KPNB1: variants seen among roughly 807,000 people sequenced by gnomAD.
KPNB1 encodes karyopherin subunit beta 1, also known as importin subunit beta-1.
Under a neutral mutation model 113.0 loss-of-function variants are expected in KPNB1, and 7 were observed. The ratio of observed to expected loss-of-function variants is 0.06; its 90% CI spans 0.04 to 0.12. The LOEUF (loss-of-function observed/expected upper bound fraction) is 0.12. KPNB1 is among the 10% of genes least tolerant of loss of function. The pLI is 1.00. For missense variants in KPNB1, 400 were observed against 1,054.8 expected, an observed-to-expected ratio of 0.38 and a Z score of 8.60; for synonymous variants, 363 against 378.6, an observed-to-expected ratio of 0.96 and a Z score of 0.48.
chr17:47,664,129 T>C (rs766699915), intron 7 of KPNB1, 30 bp from the exon 8 acceptor site: 8 of 1,448,362 alleles, frequency 5.5e-6, no homozygotes, highest in African/African-American at 2.8e-5. Flanking sequence ...TCAGTACTTA[T>C]TTGGGGCCTG....
chr17:47,664,112 AC>A (rs1194902201), intron 7 of KPNB1, 46 bp from the exon 8 acceptor site: 4 of 1,252,800 alleles, frequency 3.2e-6, no homozygotes, highest in Non-Finnish European at 4.7e-6. Context: ...GCAGGGACTC[AC>A]TTGAATCAGT....
intron 6 of KPNB1, among the ~76,000 whole-genome samples, 162 bp downstream of exon 6, chr17:47,661,340 C>T (rs771235312): frequency 2.6e-5 from 4 of 151,904 alleles, no homozygotes; most frequent in Non-Finnish European, 5.9e-5. Flanking sequence ...TGGCTCACAC[C>T]TGTAATCCCA....
At chr17:47,650,810 A>T (rs1439239980) in intron 2 of KPNB1, among the ~76,000 whole-genome samples, 1 of 152,260 alleles carries the variant, frequency 6.6e-6, no homozygotes, top group East Asian at 1.9e-4. Context: ...CCTAGGGGCC[A>T]TGTGGAAGCT....
At position 47,664,380 on chromosome 17, in the gene KPNB1, C is replaced by T; in HGVS notation, c.897+111C>T. 5.6e-6 allele frequency: 4 copies of T among 710,116 alleles called. No homozygotes were observed. In the Admixed American group the frequency reaches 7.2e-5, roughly 13 times the overall value. The allele number at this position is 710,116 out of a possible 1,614,324, so 44.0% of individuals were successfully genotyped here. A position where few individuals can be genotyped will look rare whatever the true frequency, so the allele number is the denominator to read the frequency against. The stretch of plus-strand genomic sequence containing the variant: ...TCTGTCTGGGTTTAGAGGGTATCTC[C>T]ATTGGCAGAGATTTTGATTTTTCTG... On this transcript the variant is annotated intron_variant, in intron 8 of 21. Coordinates refer to ENST00000290158, the MANE Select transcript of KPNB1 (RefSeq NM_002265.6).
intron 10 of KPNB1, among the ~76,000 whole-genome samples, chr17:47,669,340 A>G (rs901206207): frequency 6.6e-6 from 1 of 152,182 alleles, no homozygotes; most frequent in African/African-American, 2.4e-5. Context: ...CCTGACCTCA[A>G]GCAACTCCTG....
intron 10 of KPNB1, 97 bp downstream of exon 10, chr17:47,668,507 C>G: frequency 1.1e-6 from 1 of 922,914 alleles, no homozygotes; most frequent in Non-Finnish European, 1.7e-6. Context: ...AAATTGTCAT[C>G]TACAAAGATT....
intron 3 of KPNB1, among the ~76,000 whole-genome samples, chr17:47,653,111 A>T (rs1221875940): frequency 2.0e-5 from 3 of 152,128 alleles, no homozygotes; most frequent in Non-Finnish European, 4.4e-5. Flanking sequence ...GCAGTTTGGG[A>T]AACTTTAATT....
rs1344251355 is a variant in KPNB1 at position 47,682,876 on chromosome 17, C to T, written c.*472C>T. 2.2e-5 allele frequency: 4 copies of T among 182,132 alleles called. No homozygotes were observed. The highest frequency in any genetic ancestry group is 1.5e-4 in the East Asian group (1 of 6,722). The allele number at this position is 182,132 out of a possible 1,614,324, so 11.3% of individuals were successfully genotyped here. On this transcript the variant is annotated 3_prime_UTR_variant, in exon 22 of 22. Coordinates refer to ENST00000290158, the MANE Select transcript of KPNB1 (RefSeq NM_002265.6). ...GGAGCCTGGGTCTCAAGCCCACCTT[C>T]GCTGTACCTTTGCCACATGGTACTG...
intron 2 of KPNB1, among the ~76,000 whole-genome samples, chr17:47,652,467 T>C (rs1485371022): frequency 6.6e-6 from 1 of 152,198 alleles, no homozygotes; most frequent in African/African-American, 2.4e-5. Context: ...CATTAAGTGC[T>C]AGGCTCCACG....
At chr17:47,656,709 C>T in intron 3 of KPNB1, 151 bp from the exon 4 acceptor site, 1 of 708,404 alleles carries the variant, frequency 1.4e-6, no homozygotes, top group Non-Finnish European at 2.4e-6. Context: ...GATCGTGCCA[C>T]TGCACTCCAG....
intron 9 of KPNB1, among the ~76,000 whole-genome samples, chr17:47,665,899 T>C (rs2030252208): frequency 6.6e-6 from 1 of 152,244 alleles, no homozygotes; most frequent in African/African-American, 2.4e-5. Context: ...CATTGCATCA[T>C]TTCTTTGTAC....
At chr17:47,677,541 T>A (rs1427347951) in intron 17 of KPNB1, among the ~76,000 whole-genome samples, 1 of 151,670 alleles carries the variant, frequency 6.6e-6, no homozygotes, top group Non-Finnish European at 1.5e-5. Flanking sequence ...GGCTTTGGGC[T>A]TATAAAGAGG....
chr17:47,657,198 A>G (rs1258932100), intron 4 of KPNB1, 138 bp downstream of exon 4: 5 of 731,606 alleles, frequency 6.8e-6, no homozygotes, highest in Non-Finnish European at 9.3e-6. Flanking sequence ...AGACTGATTT[A>G]TTTCCCTTAG....
In KPNB1 at chr17:47,676,925, T is replaced by TC. The variant is rs1597939071; in HGVS notation, c.1996-94dup. 1.0e-5 allele frequency: 9 copies of TC among 891,900 alleles called. No homozygotes were observed. In the East Asian group the frequency reaches 2.2e-4, roughly 22 times the overall value. The allele number at this position is 891,900 out of a possible 1,614,324, so 55.2% of individuals were successfully genotyped here. ...TCGGCAGAGGGATTTAACTCTAGGT[T>TC]CAAGTGATAAAAGCTCAGCAGCTAG... On this transcript the variant is annotated intron_variant, in intron 16 of 21. Coordinates refer to ENST00000290158, the MANE Select transcript of KPNB1 (RefSeq NM_002265.6).
intron 9 of KPNB1, among the ~76,000 whole-genome samples, chr17:47,667,340 T>G (rs991611500): frequency 4.6e-5 from 7 of 151,884 alleles, no homozygotes; most frequent in African/African-American, 1.7e-4. Flanking sequence ...TTTACCAGGC[T>G]GGTCTCGAAG....
intron 12 of KPNB1, chr17:47,671,740 A>G (rs1203420862): frequency 6.6e-6 from 1 of 151,054 alleles, no homozygotes; most frequent in African/African-American, 2.4e-5. Context: ...GTTGGACAGG[A>G]TGGTCTCGAT....
rs1010352662 is a variant in KPNB1 at position 47,682,980 on chromosome 17, A to G, written c.*576A>G. On this transcript the variant is annotated 3_prime_UTR_variant, in exon 22 of 22. Transcript: ENST00000290158. Reference sequence around the variant, plus strand: ...TGTGTGTGAGTGAGGCGGTATCCACATTCTCAACTTCAAGTCATTGCAGTT... The same window carrying G: ...TGTGTGTGAGTGAGGCGGTATCCACGTTCTCAACTTCAAGTCATTGCAGTT... 6.6e-6 allele frequency: 1 copy of G among 151,984 alleles called. No individual in the cohort carries two copies. Among genetic ancestry groups the G allele is most frequent in the Non-Finnish European group, 1.5e-5 (1 of 68,228 alleles). 9.4% of individuals were successfully genotyped at this position (151,984 alleles called of 1,614,324 possible).
chr17:47,661,438 A>G (rs1207957745), intron 6 of KPNB1, among the ~76,000 whole-genome samples: 1 of 152,062 alleles, frequency 6.6e-6, no homozygotes, highest in African/African-American at 2.4e-5. Context: ...TGTCTCTACT[A>G]AAAATAAAAA....
intron 13 of KPNB1, 150 bp downstream of exon 13, chr17:47,673,315 T>G: frequency 1.1e-6 from 1 of 934,684 alleles, no homozygotes; most frequent in South Asian, 1.6e-5. Context: ...ACATTGCACC[T>G]TAACGTTAGC....
Sources: allele counts gnomAD v4.1 joint callset (sites outside exome capture counted in the v4.1 genomes callset), GRCh38; gene constraint gnomAD v4.1.1; transcripts MANE v1.5; gene names NCBI Gene and HGNC (gene_info 2026-07-23, HGNC 2026-07-21).